The following TENM1 variants were observed in gnomAD, a reference collection of about 807,000 sequenced individuals.
TENM1 encodes the protein teneurin transmembrane protein 1.
TENM1 carries 35 observed loss-of-function variants against 174.8 expected under a neutral mutation model. The ratio of observed to expected loss-of-function variants is 0.20; its 90% confidence interval spans 0.15 to 0.27. The LOEUF (loss-of-function observed/expected upper bound fraction) is 0.27. Ranked by LOEUF, TENM1 falls within the 10% of genes least tolerant of loss-of-function variation. The pLI, the probability that TENM1 is intolerant of heterozygous loss-of-function variation, is 1.00. For synonymous variants in TENM1, 781 were observed against 798.7 expected (o/e 0.98, Z 0.37); for missense variants, 1,633 against 2,130.1 (o/e 0.77, Z 4.59).
intron 18 of TENM1, among the ~76,000 whole-genome samples, chrX:124,518,526 C>A (rs897174689): frequency 2.7e-5 from 3 of 110,857 alleles, no homozygotes; most frequent in Non-Finnish European, 3.8e-5. Flanking sequence ...TGCATAGACT[C>A]CATGCTTTAT....
At chrX:124,631,828 G>A (rs1342270511) in intron 11 of TENM1, among the ~76,000 whole-genome samples, 1 of 101,217 alleles carries the variant, frequency 9.9e-6, no homozygotes, top group Non-Finnish European at 2.0e-5. Context: ...GGCGAAGGTT[G>A]CAGTGAGCTG....
chrX:124,669,053 C>T (rs1569378696), intron 6 of TENM1, among the ~76,000 whole-genome samples: 1 of 111,781 alleles, frequency 8.9e-6, no homozygotes, highest in Non-Finnish European at 1.9e-5. Context: ...GTTCAAAAAC[C>T]TCAAGGTGAT....
At chrX:124,984,134 A>T in the TENM1 span, among the ~76,000 whole-genome samples, 1 of 112,356 alleles carries the variant, frequency 8.9e-6, no homozygotes, top group Non-Finnish European at 1.9e-5. Context: ...ATATACATAC[A>T]CATACAAGAA....
In TENM1 at chrX:124,618,488, TTC is replaced by T. The variant is rs1456438233; in HGVS notation, c.2077+23301_2077+23302del. Reference sequence around the variant, plus strand: ...AAGCATGATTTTTTCCTGTTATATTTTCTGTCCCATTATTTTTTCCCATTATA... The same window carrying T: ...AAGCATGATTTTTTCCTGTTATATTTTGTCCCATTATTTTTTCCCATTATA... On this transcript the variant is annotated intron_variant, in intron 11 of 31. Coordinates refer to ENST00000422452, the Ensembl canonical transcript of TENM1. 2.7e-3 allele frequency among the ~76,000 whole-genome samples: 300 copies of T among 112,379 alleles called. 1 individual carries two copies. Among genetic ancestry groups the T allele is most frequent in the African/African-American group, 9.2e-3 (285 of 30,980 alleles).
At chrX:124,538,285 G>A (rs5956662) in intron 15 of TENM1, among the ~76,000 whole-genome samples, 2 of 110,990 alleles carry the variant, frequency 1.8e-5, no homozygotes, top group Non-Finnish European at 3.8e-5. Context: ...AGCAACAACC[G>A]TACTTCCCAA....
chrX:124,570,837 T>C (rs1054666982), intron 11 of TENM1, among the ~76,000 whole-genome samples: 13 of 111,783 alleles, frequency 1.2e-4, no homozygotes, highest in African/African-American at 2.9e-4. Context: ...TTAAAATCTT[T>C]TTTTGTGTTA....
chrX:124,984,833 C>A, the TENM1 span, among the ~76,000 whole-genome samples: 1 of 111,915 alleles, frequency 8.9e-6, no homozygotes, highest in African/African-American at 3.2e-5. Context: ...TTGTAGTATT[C>A]ATGTCCTTAT....
intron 11 of TENM1, among the ~76,000 whole-genome samples, chrX:124,581,475 C>T (rs777358743): frequency 1.9e-4 from 21 of 112,101 alleles, no homozygotes; most frequent in Non-Finnish European, 2.8e-4. Context: ...GTCTCTGTTA[C>T]TGTGAGTAGT....
At chrX:124,561,631 G>A (rs1427731039) in intron 14 of TENM1, 40 bp downstream of exon 17, 1 of 1,204,279 alleles carries the variant, frequency 8.3e-7, no homozygotes, top group South Asian at 1.8e-5. Context: ...TAGAGGCTGG[G>A]CTATTCCTTT....
intron 6 of TENM1, among the ~76,000 whole-genome samples, chrX:124,666,606 A>T (rs750470771): frequency 1.1e-3 from 118 of 111,414 alleles, no homozygotes; most frequent in African/African-American, 3.2e-3. Flanking sequence ...TGATTTCCCT[A>T]AGACTCACCT....
intron 20 of TENM1, among the ~76,000 whole-genome samples, chrX:124,496,427 G>A (rs749010101): frequency 2.7e-5 from 3 of 111,668 alleles, no homozygotes; most frequent in African/African-American, 9.7e-5. Context: ...CTTACAAAAG[G>A]TGTCAAAATA....
the TENM1 span, among the ~76,000 whole-genome samples, chrX:125,158,489 A>G: frequency 9.1e-6 from 1 of 109,716 alleles, no homozygotes; most frequent in Admixed American, 9.7e-5. Flanking sequence ...AGAAGTATCA[A>G]GGAGCATTCT....
intron 20 of TENM1, among the ~76,000 whole-genome samples, chrX:124,489,176 T>C (rs1389303680): frequency 8.9e-6 from 1 of 112,592 alleles, no homozygotes; most frequent in African/African-American, 3.2e-5. Flanking sequence ...GGCCCATCCG[T>C]GGGCACCACC....
the TENM1 span, among the ~76,000 whole-genome samples, chrX:125,025,365 T>A: frequency 1.8e-5 from 2 of 111,400 alleles, no homozygotes; most frequent in African/African-American, 6.5e-5. Context: ...ACACAGAAAT[T>A]CAAATTAACT....
chrX:124,421,156 G>C (rs1204943026), intron 24 of TENM1, among the ~76,000 whole-genome samples: 3 of 111,729 alleles, frequency 2.7e-5, no homozygotes, highest in Non-Finnish European at 5.6e-5. Flanking sequence ...AAATCTGAGA[G>C]TTATGCCTGT....
At chrX:124,947,210 T>C (rs769427498) in intron 1 of TENM1, among the ~76,000 whole-genome samples, 7 of 111,960 alleles carry the variant, frequency 6.3e-5, no homozygotes, top group African/African-American at 2.3e-4. Context: ...CTAATCATAG[T>C]GGATCCCTGA....
chrX:124,583,747 G>A (rs1421531908), intron 11 of TENM1, among the ~76,000 whole-genome samples: 1 of 111,546 alleles, frequency 9.0e-6, no homozygotes, highest in African/African-American at 3.3e-5. Context: ...CGAGCTACAG[G>A]AGGAAATTAA....
the TENM1 span, among the ~76,000 whole-genome samples, chrX:124,990,100 G>A: frequency 9.0e-6 from 1 of 111,282 alleles, no homozygotes; most frequent in African/African-American, 3.3e-5. Flanking sequence ...ACCTCTTAAA[G>A]AAACATTTGA....
chrX:124,690,844 T>A (rs975936604), intron 5 of TENM1, among the ~76,000 whole-genome samples: 3 of 110,513 alleles, frequency 2.7e-5, no homozygotes, highest in Admixed American at 9.7e-5. Flanking sequence ...CCTCACCGGA[T>A]GCAGATCCTG....
Sources: allele counts gnomAD v4.1 joint callset (sites outside exome capture counted in the v4.1 genomes callset), GRCh38; gene constraint gnomAD v4.1.1; transcripts MANE v1.5; gene names NCBI Gene and HGNC (gene_info 2026-07-23, HGNC 2026-07-21).